Variants in CECR2 observed in about 807,000 individuals in gnomAD.
CECR2 encodes the protein CECR2 histone acetyl-lysine reader.
A neutral mutation model predicts 154.5 loss-of-function variants in CECR2; 30 were observed. The ratio of observed to expected loss-of-function variants is 0.19; its 90% CI spans 0.15 to 0.26. CECR2 has a LOEUF of 0.26. Ranked by LOEUF, CECR2 falls within the 10% of genes least tolerant of loss-of-function variation. CECR2 has a pLI of 1.00. For missense variants in CECR2, 1,743 were observed against 1,829.3 expected, an observed-to-expected ratio of 0.95 and a Z score of 0.86; for synonymous variants, 725 against 683.7, an observed-to-expected ratio of 1.06 and a Z score of -0.94.
intron 1 of CECR2, among the ~76,000 whole-genome samples, chr22:17,392,633 A>T (rs2146509290): frequency 6.6e-6 from 1 of 152,078 alleles, no homozygotes; most frequent in South Asian, 2.1e-4. Flanking sequence ...AGTGAGCCGA[A>T]ATTATACCAC....
At position 17,542,321 on chromosome 22, in the gene CECR2, A is replaced by G; in HGVS notation, c.2178A>G (p.Pro726=). 6.2e-7 allele frequency: 1 copy of G among 1,613,210 alleles called. No homozygotes were observed. Among genetic ancestry groups the G allele is most frequent in the South Asian group, 1.1e-5 (1 of 90,872 alleles). ...GTCAGGATGGAAGCATGTATGCTCC[A>G]GCTCAGTTCCAGCCAGGATTCATTC... ...GPSQDGSMYA[P]AQFQPGFIPP... The change falls in exon 16 of 19, where the codon CCA becomes CCG. Residue 726 remains proline, a synonymous_variant. Coordinates refer to ENST00000262608, the MANE Select transcript of CECR2 (RefSeq NM_001290047.2).
In CECR2 at chr22:17,472,872, T is replaced by C. The variant is rs796620173; in HGVS notation, c.127-4716T>C. Among the ~76,000 whole-genome samples, 7 of 152,278 alleles carry C rather than the reference T, an allele frequency of 4.6e-5. 1 individual carries two copies. Among genetic ancestry groups the C allele is most frequent in the African/African-American group, 1.7e-4 (7 of 41,564 alleles). On this transcript the variant is annotated intron_variant, in intron 1 of 18. Coordinates refer to ENST00000262608, the MANE Select transcript of CECR2 (RefSeq NM_001290047.2). ...ACTTGACTGTCTCCAGTCTGGAAAT[T>C]ATCTTCGTGTATTAGGCAGGCAGGA...
At chr22:17,441,939 T>G (rs762557263) in intron 1 of CECR2, among the ~76,000 whole-genome samples, 17 of 152,224 alleles carry the variant, frequency 1.1e-4, no homozygotes, top group Non-Finnish European at 2.2e-4. Context: ...ACAATTTTTG[T>G]CTCTCACAAG....
At chr22:17,495,191 A>T (rs1028970366) in intron 2 of CECR2, among the ~76,000 whole-genome samples, 5 of 152,240 alleles carry the variant, frequency 3.3e-5, no homozygotes, top group Non-Finnish European at 5.9e-5. Flanking sequence ...GAGGTAAATT[A>T]GATCTTGATT....
intron 4 of CECR2, among the ~76,000 whole-genome samples, chr22:17,500,208 CAAA>C (rs5844315): frequency 6.8e-4 from 79 of 115,942 alleles, no homozygotes; most frequent in Admixed American, 9.8e-4. Flanking sequence ...GAGACTCCAT[CAAA>C]AAAAAAAAAA....
At position 17,384,706 on chromosome 22, in the gene CECR2, C is replaced by G. The variant is rs569978614; in HGVS notation, c.126+14797C>G. Among the ~76,000 whole-genome samples the G allele has an allele frequency of 3.3e-5, 5 of 152,230 alleles. No homozygotes were observed. The East Asian group carries it at 7.7e-4, about 23-fold the overall frequency. ...ATACATTAGCACAGTTTTCAAGGGC[C>G]GTAGGATTTTCAGAATGGTGAGTGA... is the stretch of plus-strand genomic sequence containing the variant. On this transcript the variant is annotated intron_variant, in intron 1 of 18. Coordinates refer to ENST00000262608, the MANE Select transcript of CECR2 (RefSeq NM_001290047.2).
At chr22:17,455,772 G>A (rs1158092309) in intron 1 of CECR2, among the ~76,000 whole-genome samples, 7 of 152,128 alleles carry the variant, frequency 4.6e-5, no homozygotes, top group East Asian at 3.9e-4. Context: ...CAGCACGCCC[G>A]GCTAATTTTT....
At chr22:17,509,078 C>A (rs2055895701) in intron 7 of CECR2, among the ~76,000 whole-genome samples, 1 of 152,148 alleles carries the variant, frequency 6.6e-6, no homozygotes, top group Non-Finnish European at 1.5e-5. Flanking sequence ...TGGCAAAACC[C>A]CATCTCTACT....
chr22:17,382,853 G>C (rs919704412), intron 1 of CECR2, among the ~76,000 whole-genome samples: 3 of 151,948 alleles, frequency 2.0e-5, no homozygotes, highest in Admixed American at 6.6e-5. Flanking sequence ...TGCAAGTCAA[G>C]TTTGCAACAC....
Position 17,538,824 on chromosome 22 carries a change from AT to A in CECR2, c.1368+94del, listed in dbSNP as rs2056476996. On this transcript the variant is annotated intron_variant, in intron 12 of 18. Coordinates refer to ENST00000262608, the MANE Select transcript of CECR2 (RefSeq NM_001290047.2). ...TGTTGTTAAATATATATATATTTTGATACGTTTTTCTTTTCAACTGTCAAAA... is the reference window on the plus strand; with the variant it reads ...TGTTGTTAAATATATATATATTTTGAACGTTTTTCTTTTCAACTGTCAAAA... 3.8e-6 allele frequency: 5 copies of A among 1,300,362 alleles called. No individual in the cohort carries two copies. In the East Asian group the frequency reaches 1.2e-4, roughly 31 times the overall value. 80.6% of individuals were successfully genotyped at this position (1,300,362 alleles called of 1,614,324 possible).
intron 1 of CECR2, among the ~76,000 whole-genome samples, chr22:17,474,528 A>G (rs2518760): frequency 0.076 from 11,521 of 152,248 alleles, 476 homozygotes; most frequent in Middle Eastern, 0.15. Context: ...GTTAGAAGAA[A>G]AGGCACTCCT....
chr22:17,368,583 A>T (rs1023772394), upstream of CECR2, among the ~76,000 whole-genome samples: 44 of 152,176 alleles, frequency 2.9e-4, no homozygotes, highest in African/African-American at 1.0e-3. Context: ...CTTCGGCCGT[A>T]GCACATTCAA....
chr22:17,441,148 C>T (rs899426932), intron 1 of CECR2, among the ~76,000 whole-genome samples: 2 of 152,170 alleles, frequency 1.3e-5, no homozygotes, highest in African/African-American at 4.8e-5. Flanking sequence ...GGGGTTTCAC[C>T]ATGTTGGCCA....
chr22:17,445,547 TTATTA>T (rs2054646598), intron 1 of CECR2, among the ~76,000 whole-genome samples: 1 of 23,180 alleles, frequency 4.3e-5, no homozygotes, highest in African/African-American at 4.8e-4. Context: ...CTATACTTTA[TTATTA>T]TTATTATTAT....
chr22:17,499,297 G>A (rs2055692448), intron 3 of CECR2, 113 bp from the exon 4 acceptor site: 17 of 1,328,728 alleles, frequency 1.3e-5, no homozygotes, highest in Non-Finnish European at 1.5e-5. Flanking sequence ...CGATACTTGG[G>A]CATTTTTAGA....
At chr22:17,383,810 A>C (rs2146482897) in intron 1 of CECR2, among the ~76,000 whole-genome samples, 1 of 151,944 alleles carries the variant, frequency 6.6e-6, no homozygotes, top group Non-Finnish European at 1.5e-5. Flanking sequence ...GATTACAGAC[A>C]TGCACCACCA....
rs759760208 is a variant in CECR2 at position 17,428,814 on chromosome 22, G to GTT, written c.127-48773_127-48772insTT. On this transcript the variant is annotated intron_variant, in intron 1 of 18. Coordinates refer to ENST00000262608, the MANE Select transcript of CECR2 (RefSeq NM_001290047.2). ...TGTTTTTATTTGTGTGTGTGTGTGT[G>GTT]TGTGTGTGTGTGTATATAAAGGCAG... Among the ~76,000 whole-genome samples the GTT allele has an allele frequency of 9.1e-4, 138 of 150,830 alleles. 2 individuals are homozygous for GTT. Among genetic ancestry groups the GTT allele is most frequent in the South Asian group, 1.3e-3 (6 of 4,770 alleles).
chr22:17,454,599 C>T lies in CECR2; in HGVS notation c.127-22989C>T, dbSNP rs556409627. 1.2e-3 allele frequency among the ~76,000 whole-genome samples: 172 copies of T among 139,582 alleles called. 1 individual carries two copies. Among genetic ancestry groups the T allele is most frequent in the Non-Finnish European group, 2.0e-3 (136 of 66,498 alleles). 91.6% of individuals were successfully genotyped at this position (139,582 alleles called of 152,430 possible). The stretch of plus-strand genomic sequence containing the variant: ...CAGCCTGGGCGACACAGCGAGACTC[C>T]GTCTCAAAAAAAAAAAAAAAACCCT... On this transcript the variant is annotated intron_variant, in intron 1 of 18. Transcript: ENST00000262608.
At chr22:17,390,240 G>GGACC (rs2063312492) in intron 1 of CECR2, among the ~76,000 whole-genome samples, 1 of 151,932 alleles carries the variant, frequency 6.6e-6, no homozygotes, top group Non-Finnish European at 1.5e-5. Flanking sequence ...TTCTATTGAC[G>GGACC]GTCCCTCCAC....
Sources: gnomAD v4.1 joint callset for allele counts (sites outside exome capture counted in the v4.1 genomes callset) on GRCh38, gnomAD v4.1.1 for gene constraint, MANE v1.5 for transcripts, NCBI Gene and HGNC (gene_info 2026-07-23, HGNC 2026-07-21) for gene names.